The following ZMYND11 variants were observed in gnomAD, a reference collection of about 807,000 sequenced individuals.
ZMYND11 encodes the protein zinc finger MYND domain-containing protein 11.
A neutral mutation model predicts 84.9 loss-of-function variants in ZMYND11; 9 were observed. The ratio of observed to expected loss-of-function variants is 0.11; its 90% CI spans 0.06 to 0.18. The LOEUF (loss-of-function observed/expected upper bound fraction) is 0.18, where lower values mean the gene tolerates loss of function less well. Among genes scored for constraint, ZMYND11 ranks in the 10% least tolerant of loss-of-function variants. ZMYND11 has a pLI of 1.00. For synonymous variants in ZMYND11, 250 were observed against 244.1 expected, an observed-to-expected ratio of 1.02 and a Z score of -0.23; for missense variants, 409 against 761.0, an observed-to-expected ratio of 0.54 and a Z score of 5.44.
intron 2 of ZMYND11, among the ~76,000 whole-genome samples, chr10:183,213 T>G (rs1848241211): frequency 6.6e-6 from 1 of 151,938 alleles, no homozygotes; most frequent in African/African-American, 2.4e-5. Context: ...TTCTCTTCTT[T>G]TTTGTTGTTG....
At position 180,063 on chromosome 10, in the gene ZMYND11, T is replaced by C; in HGVS notation, c.51T>C (p.His17=). Residue 17 remains histidine, a synonymous_variant, in exon 2 of 15, where the codon CAT becomes CAC. Transcript: ENST00000381604. ...AGGCGGATACAAAAGCTATCCAGCATCTTTGGGCAGCCATTGAGATTATAC... is the reference window on the plus strand; with the variant it reads ...AGGCGGATACAAAAGCTATCCAGCACCTTTGGGCAGCCATTGAGATTATAC... ...RRQADTKAIQ[H]LWAAIEIIRN... The C allele has an allele frequency of 6.2e-7, 1 of 1,613,838 alleles. No homozygotes were observed. The highest frequency in any genetic ancestry group is 8.5e-7 in the Non-Finnish European group (1 of 1,179,798).
At chr10:223,361 G>A (rs1012551557) in intron 4 of ZMYND11, among the ~76,000 whole-genome samples, 4 of 152,044 alleles carry the variant, frequency 2.6e-5, no homozygotes, top group Non-Finnish European at 5.9e-5. Flanking sequence ...ACTCTTTACT[G>A]AATGGATGAA....
chr10:186,266 C>A (rs1259525669), intron 2 of ZMYND11, among the ~76,000 whole-genome samples: 3 of 151,818 alleles, frequency 2.0e-5, no homozygotes, highest in Admixed American at 6.6e-5. Context: ...CCGCCTCGGC[C>A]TCCCAAAGTG....
At chr10:159,783 GT>G (rs1842570721) in intron 1 of ZMYND11, among the ~76,000 whole-genome samples, 1 of 151,944 alleles carries the variant, frequency 6.6e-6, no homozygotes, top group African/African-American at 2.4e-5. Flanking sequence ...TTGTTTGCTT[GT>G]TTGTTTCTAC....
At position 209,944 on chromosome 10, in the gene ZMYND11, T is replaced by G; in HGVS notation, c.172T>G (p.Leu58Val). Residue 58 changes from leucine (L) to valine (V), a missense_variant, in exon 3 of 15, where the codon TTA (leucine) becomes GTA (valine). Transcript: ENST00000381604. ...HPKETTRQLS[L>V]AVKDGLIVET... ...TAAAGAGACCACCCGTCAGCTGAGC[T>G]TAGCTGTGAAAGATGGTCTTATTGT... 6.2e-7 allele frequency: 1 copy of G among 1,614,142 alleles called. No homozygotes were observed. The highest frequency in any genetic ancestry group is 8.5e-7 in the Non-Finnish European group (1 of 1,179,998).
chr10:232,254 GCCACAGAAAGTGGCT>G (rs1403833380), intron 4 of ZMYND11, among the ~76,000 whole-genome samples: 1 of 152,206 alleles, frequency 6.6e-6, no homozygotes, highest in Non-Finnish European at 1.5e-5. Context: ...CAGCGTGAAC[GCCACAGAAAGTGGCT>G]CCACGGCTTG....
chr10:243,115 T>C (rs1951378650), intron 10 of ZMYND11, among the ~76,000 whole-genome samples: 1 of 152,208 alleles, frequency 6.6e-6, no homozygotes, highest in Non-Finnish European at 1.5e-5. Context: ...TTATGTGAGA[T>C]TGTGTTCTTG....
intron 2 of ZMYND11, among the ~76,000 whole-genome samples, chr10:183,895 A>G (rs945065328): frequency 6.6e-6 from 1 of 152,142 alleles, no homozygotes; most frequent in Admixed American, 6.5e-5. Context: ...GCCTGGAACC[A>G]TTGATTTCTC....
intron 9 of ZMYND11, 108 bp downstream of exon 9, chr10:241,078 T>C: frequency 1.3e-6 from 1 of 791,038 alleles, no homozygotes; most frequent in Non-Finnish European, 2.0e-6. Flanking sequence ...AATATCATAG[T>C]ATATATGGGT....
intron 4 of ZMYND11, among the ~76,000 whole-genome samples, chr10:223,214 G>T (rs935529387): frequency 6.6e-6 from 1 of 151,984 alleles, no homozygotes; most frequent in Non-Finnish European, 1.5e-5. Flanking sequence ...ATTTTTAGTA[G>T]AGACGGGGTT....
At chr10:150,822 G>A (rs1554756816) in intron 1 of ZMYND11, among the ~76,000 whole-genome samples, 1 of 152,192 alleles carries the variant, frequency 6.6e-6, no homozygotes, top group African/African-American at 2.4e-5. Flanking sequence ...AGCCAAACTG[G>A]GAGGCACCCC....
chr10:196,586 T>A (rs1376725139), intron 2 of ZMYND11, among the ~76,000 whole-genome samples: 1 of 152,178 alleles, frequency 6.6e-6, no homozygotes, highest in Non-Finnish European at 1.5e-5. Context: ...TGATAATCGT[T>A]GAAATTTTGT....
intron 6 of ZMYND11, among the ~76,000 whole-genome samples, chr10:238,324 C>T (rs1258802020): frequency 6.6e-6 from 1 of 151,966 alleles, no homozygotes; most frequent in Non-Finnish European, 1.5e-5. Flanking sequence ...TATAGGGAGA[C>T]CACAGGAATA....
chr10:242,277 G>A lies in ZMYND11; in HGVS notation c.950+138G>A, dbSNP rs192041758. 1.8e-4 allele frequency: 241 copies of A among 1,315,190 alleles called. 1 individual carries two copies. In the African/African-American group the frequency reaches 2.9e-3, roughly 16 times the overall value. 81.5% of individuals were successfully genotyped at this position (1,315,190 alleles called of 1,614,324 possible). ...AAACACATTATGCATCCAAGAATAC[G>A]TTCCAAGATAAATTGTTTCCAGATA... On this transcript the variant is annotated intron_variant, in intron 10 of 14. Coordinates refer to ENST00000381604, the MANE Select transcript of ZMYND11 (RefSeq NM_001370100.5).
At chr10:194,718 A>G (rs964705978) in intron 2 of ZMYND11, among the ~76,000 whole-genome samples, 5 of 152,068 alleles carry the variant, frequency 3.3e-5, no homozygotes, top group Non-Finnish European at 7.3e-5. Context: ...TTCACAAAGT[A>G]TTCAAATCCT....
intron 2 of ZMYND11, among the ~76,000 whole-genome samples, chr10:186,722 G>T (rs1350154423): frequency 6.8e-6 from 1 of 146,070 alleles, no homozygotes; most frequent in Admixed American, 6.9e-5. Flanking sequence ...AAGGATTTAA[G>T]TCTCAGATCC....
At chr10:154,130 A>G (rs1430602168) in intron 1 of ZMYND11, among the ~76,000 whole-genome samples, 3 of 152,214 alleles carry the variant, frequency 2.0e-5, no homozygotes, top group African/African-American at 7.2e-5. Context: ...ATCACATGCT[A>G]TAGATGTTAC....
chr10:177,413 G>T (rs1554767182), intron 1 of ZMYND11, among the ~76,000 whole-genome samples: 1 of 152,034 alleles, frequency 6.6e-6, no homozygotes, highest in Non-Finnish European at 1.5e-5. Flanking sequence ...TATTTTCTGT[G>T]ACTTGATTCA....
chr10:132,748 T>A (rs1317212579), upstream of ZMYND11, among the ~76,000 whole-genome samples: 1 of 152,164 alleles, frequency 6.6e-6, no homozygotes, highest in Non-Finnish European at 1.5e-5. Context: ...GGTAATGAAA[T>A]CTGATCTGGA....
Sources: allele counts gnomAD v4.1 joint callset (sites outside exome capture counted in the v4.1 genomes callset), GRCh38; gene constraint gnomAD v4.1.1; transcripts MANE v1.5; gene names NCBI Gene and HGNC (gene_info 2026-07-23, HGNC 2026-07-21).